MORN5: variants seen among roughly 807,000 people sequenced by gnomAD.
The protein encoded by MORN5 is MORN repeat-containing protein 5.
MORN5 carries 21 observed loss-of-function variants against 22.1 expected under a neutral mutation model. That is an observed-to-expected ratio of 0.95 (90% CI 0.67 to 1.37). The LOEUF is 1.37. MORN5 is among the 40% of genes most tolerant of loss of function. The pLI, the probability that MORN5 is intolerant of heterozygous loss-of-function variation, is 0.00. For missense variants in MORN5, 211 were observed against 215.1 expected, an observed-to-expected ratio of 0.98 and a Z score of 0.12; for synonymous variants, 73 against 74.0, an observed-to-expected ratio of 0.99 and a Z score of 0.07.
chr9:122,195,070 G>A (rs1829858174), intron 4 of MORN5, among the ~76,000 whole-genome samples: 1 of 151,912 alleles, frequency 6.6e-6, no homozygotes, highest in African/African-American at 2.4e-5. Flanking sequence ...TGTGATCTGA[G>A]GGGACCATGA....
chr9:122,183,485 C>A (rs1439250642), intron 4 of MORN5, among the ~76,000 whole-genome samples: 2 of 152,148 alleles, frequency 1.3e-5, no homozygotes, highest in Non-Finnish European at 1.5e-5. Flanking sequence ...AAAGAAAAAA[C>A]CCTCGTAACC....
At chr9:122,178,262 G>A (rs1258234454) in intron 4 of MORN5, among the ~76,000 whole-genome samples, 3 of 152,134 alleles carry the variant, frequency 2.0e-5, no homozygotes, top group Admixed American at 6.5e-5. Context: ...GCAAAGGCAG[G>A]CGGATCACCT....
intron 4 of MORN5, among the ~76,000 whole-genome samples, chr9:122,183,368 A>G (rs1829564900): frequency 6.6e-6 from 1 of 152,296 alleles, no homozygotes; most frequent in Admixed American, 6.5e-5. Context: ...CAGTGTTACT[A>G]GTAGTAATCA....
rs1208870504 is a variant in MORN5 at position 122,197,457 on chromosome 9, T to C, written c.440-2428T>C. On this transcript the variant is annotated intron_variant, in intron 4 of 4. Coordinates refer to ENST00000373764, the MANE Select transcript of MORN5 (RefSeq NM_198469.4). The surrounding 1 kb of genome is among the most constrained non-coding windows in gnomAD (Gnocchi z 5.7). Reference sequence around the variant, plus strand: ...GGTTTAATTCCATTTTAAATATTGATGAAATGTGCTTCGGCAACCTCACCC... The same window carrying C: ...GGTTTAATTCCATTTTAAATATTGACGAAATGTGCTTCGGCAACCTCACCC... Among the ~76,000 whole-genome samples, 2 of 152,096 alleles carry C rather than the reference T, an allele frequency of 1.3e-5. No homozygotes were observed. Among genetic ancestry groups the C allele is most frequent in the Non-Finnish European group, 2.9e-5 (2 of 68,024 alleles).
intron 4 of MORN5, among the ~76,000 whole-genome samples, chr9:122,199,681 A>G (rs77839108): frequency 0.02 from 2,989 of 152,176 alleles, 87 homozygotes; most frequent in African/African-American, 0.062. Flanking sequence ...CACAGTTAGA[A>G]ACCCTTCTGT....
Position 122,174,610 on chromosome 9 carries a change from G to C in MORN5, c.422G>C (p.Arg141Pro), listed in dbSNP as rs762113900. Residue 141 changes from arginine (R) to proline (P), a missense_variant, in exon 4 of 5, where the codon CGC (arginine) becomes CCC (proline). Physicochemically the swap from Arg to Pro is moderately radical, Grantham distance 103. Coordinates refer to ENST00000373764, the MANE Select transcript of MORN5 (RefSeq NM_198469.4). ...VTRVVKDYRN[R>P]FLRNADDDEH... is the part of the protein sequence containing the mutation. ...AGGGTAGTCAAGGACTATAGGAACC[G>C]CTTTCTAAGAAACGCAGGTAGGTTT... The C allele has an allele frequency of 1.2e-6, 2 of 1,613,982 alleles. No homozygotes were observed. The highest frequency in any genetic ancestry group is 1.7e-6 in the Non-Finnish European group (2 of 1,180,022).
intron 4 of MORN5, among the ~76,000 whole-genome samples, chr9:122,181,582 C>T (rs940061008): frequency 2.0e-5 from 3 of 152,136 alleles, no homozygotes; most frequent in Non-Finnish European, 4.4e-5. Context: ...AAAAGAGAGA[C>T]TGAGTTAGGA....
At chr9:122,177,394 A>C (rs1829468451) in intron 4 of MORN5, among the ~76,000 whole-genome samples, 1 of 152,200 alleles carries the variant, frequency 6.6e-6, no homozygotes, top group African/African-American at 2.4e-5. Context: ...TTGCCAAGTT[A>C]AGTATGGAAG....
At chr9:122,178,752 G>C (rs1167120840) in intron 4 of MORN5, among the ~76,000 whole-genome samples, 1 of 152,180 alleles carries the variant, frequency 6.6e-6, no homozygotes, top group Admixed American at 6.5e-5. Flanking sequence ...TTCCTGAAGG[G>C]TCCAAACCCT....
intron 4 of MORN5, chr9:122,175,037 C>A: frequency 4.5e-6 from 1 of 221,228 alleles, no homozygotes; most frequent in Non-Finnish European, 7.6e-6. Context: ...GTACTATAAA[C>A]AGTTAATTGT....
intron 1 of MORN5, chr9:122,164,684 T>G: frequency 9.4e-6 from 9 of 958,770 alleles, no homozygotes; most frequent in Non-Finnish European, 1.1e-5. Flanking sequence ...CAGAGAAGGG[T>G]GTAGAACTTG....
At chr9:122,165,380 G>A (rs1829258927) in intron 1 of MORN5, among the ~76,000 whole-genome samples, 1 of 98,724 alleles carries the variant, frequency 1.0e-5, no homozygotes, top group Admixed American at 1.3e-4. Flanking sequence ...GCAACATAGG[G>A]AAACCCCGTC....
intron 4 of MORN5, among the ~76,000 whole-genome samples, chr9:122,176,202 C>G (rs1829449647): frequency 6.6e-6 from 1 of 151,910 alleles, no homozygotes; most frequent in African/African-American, 2.4e-5. Context: ...CCGTAACCCA[C>G]TGGATGCTAC....
chr9:122,163,285 A>G (rs1829229563), intron 1 of MORN5, among the ~76,000 whole-genome samples: 2 of 152,190 alleles, frequency 1.3e-5, no homozygotes, highest in African/African-American at 4.8e-5. Context: ...AGATATCATT[A>G]TCCTATTTTA....
At chr9:122,184,966 T>C (rs1458665640) in intron 4 of MORN5, among the ~76,000 whole-genome samples, 2 of 152,366 alleles carry the variant, frequency 1.3e-5, no homozygotes, top group East Asian at 3.9e-4. Context: ...ATAAAAAGTA[T>C]ACATCCAAAG....
intron 3 of MORN5, among the ~76,000 whole-genome samples, chr9:122,173,005 A>G (rs1266284505): frequency 1.3e-5 from 2 of 152,136 alleles, no homozygotes; most frequent in Non-Finnish European, 2.9e-5. Flanking sequence ...GGAGGCCTGG[A>G]CTTTGCCATG....
chr9:122,176,473 T>G, intron 4 of MORN5, among the ~76,000 whole-genome samples: 1 of 152,232 alleles, frequency 6.6e-6, no homozygotes, highest in East Asian at 1.9e-4. Context: ...TGACACTTAT[T>G]TCAACATAAT....
intron 4 of MORN5, among the ~76,000 whole-genome samples, chr9:122,191,282 G>A (rs565183442): frequency 1.3e-5 from 2 of 152,282 alleles, no homozygotes; most frequent in South Asian, 2.1e-4. Context: ...ATCTCTTCAC[G>A]CTTATGCTGG....
At chr9:122,175,608 G>A (rs1014267650) in intron 4 of MORN5, 7 of 953,742 alleles carry the variant, frequency 7.3e-6, no homozygotes, top group South Asian at 9.6e-5. Context: ...ACCCACACGC[G>A]CACATGCATA....
Sources: gnomAD v4.1 joint callset for allele counts (sites outside exome capture counted in the v4.1 genomes callset) on GRCh38, gnomAD v4.1.1 for gene constraint, Gnocchi (gnomAD v3.1) non-coding constraint, MANE v1.5 for transcripts, NCBI Gene and HGNC (gene_info 2026-07-23, HGNC 2026-07-21) for gene names.